ATG14: variants seen among roughly 807,000 people sequenced by gnomAD.
ATG14 encodes beclin 1-associated autophagy-related key regulator.
In ATG14, 35 loss-of-function variants were observed where a neutral mutation model predicts 60.4. The ratio of observed to expected loss-of-function variants is 0.58; its 90% confidence interval spans 0.44 to 0.77. The LOEUF is 0.77. Among genes scored for constraint, ATG14 ranks in the 30% least tolerant of loss-of-function variants. The pLI is 0.00. For synonymous variants in ATG14, 234 were observed against 228.8 expected (o/e 1.02, Z -0.21); for missense variants, 647 against 626.3 (o/e 1.03, Z -0.35).
intron 5 of ATG14, among the ~76,000 whole-genome samples, chr14:55,385,323 C>T (rs765523911): frequency 2.0e-5 from 3 of 152,100 alleles, no homozygotes; most frequent in Non-Finnish European, 4.4e-5. Context: ...GACAGAGTCT[C>T]GCTCTGTCAC....
At chr14:55,391,141 T>C in intron 3 of ATG14, 149 bp from the exon 4 acceptor site, 1 of 571,054 alleles carries the variant, frequency 1.8e-6, no homozygotes, top group Non-Finnish European at 3.0e-6. Context: ...CTATGGAACA[T>C]TACGAAAAAG....
At position 55,389,959 on chromosome 14, in the gene ATG14, G is replaced by GA. The variant is rs902808599; in HGVS notation, c.409+951dup. 5.8e-4 allele frequency among the ~76,000 whole-genome samples: 85 copies of GA among 146,332 alleles called. 1 individual carries two copies. The highest frequency in any genetic ancestry group is 1.1e-3 in the African/African-American group (42 of 39,934). ...ATTACAATGTGGAGACTCACTAAGG[G>GA]AAAAAAAAAACAATATTCTGTGCTT... On this transcript the variant is annotated intron_variant, in intron 4 of 9. Coordinates refer to ENST00000247178, the MANE Select transcript of ATG14 (RefSeq NM_014924.5).
intron 3 of ATG14, among the ~76,000 whole-genome samples, chr14:55,395,483 G>T (rs1885299015): frequency 1.3e-5 from 2 of 152,210 alleles, no homozygotes; most frequent in Admixed American, 1.3e-4. Context: ...CTCCCAAGTA[G>T]CTGGGATTAC....
At chr14:55,375,376 T>C (rs1471922380) in intron 9 of ATG14, among the ~76,000 whole-genome samples, 1 of 152,064 alleles carries the variant, frequency 6.6e-6, no homozygotes, top group Non-Finnish European at 1.5e-5. Flanking sequence ...TCATCCAGGT[T>C]GGAGTGCAGT....
intron 6 of ATG14, 27 bp downstream of exon 6, chr14:55,381,935 G>C: frequency 6.3e-7 from 1 of 1,576,136 alleles, no homozygotes. Flanking sequence ...TCTATATATA[G>C]ATTTCAAAGG....
At chr14:55,395,302 G>A (rs28569328) in intron 3 of ATG14, 55 of 273,700 alleles carry the variant, frequency 2.0e-4, no homozygotes, top group African/African-American at 1.2e-3. Flanking sequence ...CAGCAAAGCC[G>A]GGCTGCCTGG....
In ATG14 at chr14:55,366,401, A is replaced by G. The variant is rs546503675; in HGVS notation, c.*3218T>C. 1.2e-4 allele frequency: 18 copies of G among 152,804 alleles called. No individual in the cohort carries two copies. Among genetic ancestry groups the G allele is most frequent in the African/African-American group, 4.1e-4 (17 of 41,592 alleles). 9.5% of individuals were successfully genotyped at this position (152,804 alleles called of 1,614,324 possible). On this transcript the variant is annotated 3_prime_UTR_variant, in exon 10 of 10. Coordinates refer to ENST00000247178, the MANE Select transcript of ATG14 (RefSeq NM_014924.5). Reference sequence around the variant, plus strand: ...TACACATGAGCAAAGTACTGTTAAAAGATTTATTGCAGTAATACAATAAAA... The same window carrying G: ...TACACATGAGCAAAGTACTGTTAAAGGATTTATTGCAGTAATACAATAAAA...
At chr14:55,396,322 A>C (rs956144185) in intron 2 of ATG14, among the ~76,000 whole-genome samples, 1 of 152,226 alleles carries the variant, frequency 6.6e-6, no homozygotes, top group Non-Finnish European at 1.5e-5. Context: ...ATAGTTCCCA[A>C]AGAAATGATA....
At chr14:55,373,467 T>A (rs2140120542) in intron 9 of ATG14, among the ~76,000 whole-genome samples, 1 of 152,232 alleles carries the variant, frequency 6.6e-6, no homozygotes, top group South Asian at 2.1e-4. Context: ...TATTACTTAT[T>A]TTTTTATTTT....
In ATG14 at chr14:55,411,750, C is replaced by G; in HGVS notation, c.73G>C (p.Asp25His). 1.2e-6 allele frequency: 2 copies of G among 1,608,946 alleles called. No homozygotes were observed. Among genetic ancestry groups the G allele is most frequent in the Non-Finnish European group, 1.7e-6 (2 of 1,178,140 alleles). ...PGCGPRPLARDLVDSVDDAEG... is the reference protein window; with the variant it reads ...PGCGPRPLARHLVDSVDDAEG... Reference sequence around the variant, plus strand: ...GCATCGTCCACGGAGTCCACCAGGTCCCGGGCGAGCGGCCGGGGCCCGCAG... The same window carrying G: ...GCATCGTCCACGGAGTCCACCAGGTGCCGGGCGAGCGGCCGGGGCCCGCAG... The change falls in exon 1 of 10, where the codon GAC (aspartate) becomes CAC (histidine). Residue 25 changes from aspartate to histidine, a missense_variant. Transcript: ENST00000247178.
In ATG14 at chr14:55,369,535, TAACTTA is replaced by T. The variant is rs1331845107; in HGVS notation, c.*78_*83del. The T allele has an allele frequency of 7.8e-7, 1 of 1,278,086 alleles. No individual in the cohort carries two copies. Among genetic ancestry groups the T allele is most frequent in the African/African-American group, 1.5e-5 (1 of 67,796 alleles). The allele number at this position is 1,278,086 out of a possible 1,614,324, so 79.2% of individuals were successfully genotyped here. A position where few individuals can be genotyped will look rare whatever the true frequency, so the allele number is the denominator to read the frequency against. ...AACCTCTTTGTTCCAGACACTATCTTAACTTAAACAGAAAATGTTTACTAGAGTGTA... is the reference window on the plus strand; with the variant it reads ...AACCTCTTTGTTCCAGACACTATCTTAACAGAAAATGTTTACTAGAGTGTA... On this transcript the variant is annotated 3_prime_UTR_variant, in exon 10 of 10. Coordinates refer to ENST00000247178, the MANE Select transcript of ATG14 (RefSeq NM_014924.5).
At chr14:55,379,560 G>C (rs1884989608) in intron 7 of ATG14, among the ~76,000 whole-genome samples, 1 of 151,888 alleles carries the variant, frequency 6.6e-6, no homozygotes, top group Non-Finnish European at 1.5e-5. Context: ...AAAGAAGAAA[G>C]TAAACTTTTA....
intron 9 of ATG14, among the ~76,000 whole-genome samples, chr14:55,372,554 TCTCC>T (rs1566576858): frequency 6.6e-6 from 1 of 150,856 alleles, no homozygotes; most frequent in Non-Finnish European, 1.5e-5. Context: ...TCTTTCCCTT[TCTCC>T]CTCCCTCCCT....
intron 5 of ATG14, 95 bp from the exon 6 acceptor site, chr14:55,382,286 C>T: frequency 9.8e-7 from 1 of 1,015,578 alleles, no homozygotes; most frequent in Non-Finnish European, 1.5e-6. Flanking sequence ...CGAAAAGCTG[C>T]CTATGAGCAC....
chr14:55,408,351 A>C (rs1434748267), intron 1 of ATG14, among the ~76,000 whole-genome samples: 1 of 152,180 alleles, frequency 6.6e-6, no homozygotes, highest in Admixed American at 6.5e-5. Context: ...GATACCAGGG[A>C]GACTGAGACA....
intron 9 of ATG14, among the ~76,000 whole-genome samples, chr14:55,376,733 A>T (rs1036481547): frequency 6.6e-6 from 1 of 152,154 alleles, no homozygotes; most frequent in Non-Finnish European, 1.5e-5. Flanking sequence ...CTTTCCCGCC[A>T]TTTGTCTTTT....
At chr14:55,393,241 C>T (rs898171336) in intron 3 of ATG14, among the ~76,000 whole-genome samples, 17 of 151,868 alleles carry the variant, frequency 1.1e-4, no homozygotes, top group East Asian at 1.9e-4. Flanking sequence ...AAAACTTAGC[C>T]GGGCGTGGTG....
At chr14:55,372,656 CTCCTTCCTTCGCTCCTCCCTGCTCCCT>C (rs1789079482) in intron 9 of ATG14, among the ~76,000 whole-genome samples, 1 of 151,856 alleles carries the variant, frequency 6.6e-6, no homozygotes, top group Non-Finnish European at 1.5e-5. Flanking sequence ...CCACAGCTTG[CTCCTTCCTTCGCTCCTCCCTGCTCCCT>C]TCCTTCCTTC....
intron 5 of ATG14, among the ~76,000 whole-genome samples, chr14:55,383,590 A>C (rs1885072742): frequency 1.3e-5 from 2 of 151,714 alleles, no homozygotes; most frequent in South Asian, 4.2e-4. Flanking sequence ...AACAACAACA[A>C]AAAAAACCCC....
Sources: gnomAD v4.1 joint callset for allele counts (sites outside exome capture counted in the v4.1 genomes callset) on GRCh38, gnomAD v4.1.1 for gene constraint, MANE v1.5 for transcripts, NCBI Gene and HGNC (gene_info 2026-07-23, HGNC 2026-07-21) for gene names.